KLF12: variants seen among roughly 807,000 people sequenced by gnomAD.
KLF12 encodes Krueppel-like factor 12.
KLF12 carries 9 observed loss-of-function variants against 37.8 expected under a neutral mutation model. The observed-to-expected ratio is 0.24, with a 90% CI of 0.14 to 0.42. KLF12 has a LOEUF of 0.42. Among genes scored for constraint, KLF12 ranks in the 10% least tolerant of loss-of-function variants. The pLI is 1.00. For missense variants in KLF12, 411 were observed against 516.0 expected (o/e 0.80, Z 1.97); for synonymous variants, 208 against 202.1 (o/e 1.03, Z -0.25).
chr13:73,968,932 A>G (rs1462360992), intron 2 of KLF12, among the ~76,000 whole-genome samples: 1 of 151,624 alleles, frequency 6.6e-6, no homozygotes, highest in Non-Finnish European at 1.5e-5. Flanking sequence ...CTGGATCTCT[A>G]TTCCCTATCA....
At chr13:74,299,414 T>G in the KLF12 span, among the ~76,000 whole-genome samples, 1 of 152,200 alleles carries the variant, frequency 6.6e-6, no homozygotes, top group Non-Finnish European at 1.5e-5. Flanking sequence ...ATTTGCTTAC[T>G]TCATAAATTG....
At chr13:74,214,307 A>G in the KLF12 span, among the ~76,000 whole-genome samples, 1 of 151,948 alleles carries the variant, frequency 6.6e-6, no homozygotes, top group Admixed American at 6.6e-5. Flanking sequence ...CCTGGCTCCA[A>G]TGTGTACTAG....
chr13:74,080,345 G>A (rs1874807040), intron 1 of KLF12, among the ~76,000 whole-genome samples: 2 of 152,092 alleles, frequency 1.3e-5, no homozygotes, highest in African/African-American at 2.4e-5. Flanking sequence ...CTACAATGGA[G>A]GCTGAGGTGG....
the KLF12 span, among the ~76,000 whole-genome samples, chr13:74,208,301 T>C: frequency 2.6e-5 from 4 of 152,206 alleles, no homozygotes; most frequent in Non-Finnish European, 5.9e-5. Flanking sequence ...CTTTCAAACC[T>C]TGTAACATGA....
intron 5 of KLF12, among the ~76,000 whole-genome samples, chr13:73,771,879 G>A (rs1416804720): frequency 6.6e-6 from 1 of 152,206 alleles, no homozygotes; most frequent in African/African-American, 2.4e-5. Context: ...AATTTTCATA[G>A]GCAAAATTGA....
chr13:73,977,700 A>T (rs1891570596), intron 2 of KLF12, among the ~76,000 whole-genome samples: 1 of 152,224 alleles, frequency 6.6e-6, no homozygotes, highest in Non-Finnish European at 1.5e-5. Context: ...AAGAAATGAC[A>T]TTACCTGACT....
At chr13:73,964,009 C>G (rs1434629000) in intron 2 of KLF12, among the ~76,000 whole-genome samples, 1 of 152,176 alleles carries the variant, frequency 6.6e-6, no homozygotes, top group East Asian at 1.9e-4. Context: ...TGAGGTTCAA[C>G]TCATGCGTTT....
the KLF12 span, among the ~76,000 whole-genome samples, chr13:74,303,647 T>C: frequency 6.6e-6 from 1 of 152,146 alleles, no homozygotes; most frequent in East Asian, 1.9e-4. Context: ...AACACCTCTT[T>C]TGTGGTATAC....
At chr13:74,195,439 T>G in the KLF12 span, among the ~76,000 whole-genome samples, 1 of 152,124 alleles carries the variant, frequency 6.6e-6, no homozygotes, top group Admixed American at 6.6e-5. Flanking sequence ...TGTGCCATGT[T>G]TCACAAGCCT....
chr13:74,273,579 A>G, the KLF12 span, among the ~76,000 whole-genome samples: 2 of 152,016 alleles, frequency 1.3e-5, no homozygotes, highest in African/African-American at 4.8e-5. Flanking sequence ...TATTTGCTGT[A>G]ATCTTAGTCT....
At chr13:73,912,460 GAC>G (rs1888614103) in intron 3 of KLF12, among the ~76,000 whole-genome samples, 1 of 152,104 alleles carries the variant, frequency 6.6e-6, no homozygotes, top group South Asian at 2.1e-4. Context: ...AATCCAATAA[GAC>G]AGGTGTCCTT....
chr13:73,795,361 CTT>C (rs1416075330), intron 5 of KLF12, among the ~76,000 whole-genome samples: 3 of 152,178 alleles, frequency 2.0e-5, no homozygotes, highest in Non-Finnish European at 2.9e-5. Context: ...GGAAATGCCT[CTT>C]GTCATGTTAA....
chr13:73,922,071 T>C (rs551847460), intron 3 of KLF12, among the ~76,000 whole-genome samples: 2 of 152,202 alleles, frequency 1.3e-5, no homozygotes, highest in East Asian at 1.9e-4. Context: ...TACTATTGCA[T>C]ACAATTGTTT....
At chr13:74,256,016 G>A in the KLF12 span, among the ~76,000 whole-genome samples, 21 of 152,144 alleles carry the variant, frequency 1.4e-4, no homozygotes, top group South Asian at 3.1e-3. Flanking sequence ...TTAGCCAGGC[G>A]TGGTGGCGGG....
chr13:73,789,681 T>TC (rs1382000774), intron 5 of KLF12, among the ~76,000 whole-genome samples: 1 of 151,838 alleles, frequency 6.6e-6, no homozygotes, highest in Non-Finnish European at 1.5e-5. Context: ...ATCTTTTTTT[T>TC]TTTTTTTTTC....
chr13:73,854,307 AAT>A (rs1488225370), intron 3 of KLF12, among the ~76,000 whole-genome samples: 1 of 152,224 alleles, frequency 6.6e-6, no homozygotes, highest in East Asian at 1.9e-4. Flanking sequence ...TAAAATATGC[AAT>A]AATGTTTATC....
the KLF12 span, among the ~76,000 whole-genome samples, chr13:74,242,647 T>G: frequency 6.6e-6 from 1 of 152,234 alleles, no homozygotes; most frequent in Non-Finnish European, 1.5e-5. Context: ...GAGGCTAGTT[T>G]CTTTGTGAGT....
chr13:74,135,478 G>GGAGAGGGA (rs1878516532), upstream of KLF12, among the ~76,000 whole-genome samples: 1 of 151,868 alleles, frequency 6.6e-6, no homozygotes. Context: ...TTGTGGGGCG[G>GGAGAGGGA]GAGAGGGAGG....
chr13:73,890,616 G>C (rs573775491), intron 3 of KLF12, among the ~76,000 whole-genome samples: 30 of 151,952 alleles, frequency 2.0e-4, no homozygotes, highest in Admixed American at 6.6e-4. Context: ...CATTGGTTTA[G>C]ACCAGCCTCC....
Sources: allele counts gnomAD v4.1 joint callset (sites outside exome capture counted in the v4.1 genomes callset), GRCh38; gene constraint gnomAD v4.1.1; transcripts MANE v1.5; gene names NCBI Gene and HGNC (gene_info 2026-07-23, HGNC 2026-07-21).